The following KPNA6 variants were observed in gnomAD, a reference collection of about 807,000 sequenced individuals.
KPNA6 encodes the protein importin subunit alpha-7.
In KPNA6, 9 loss-of-function variants were observed where a neutral mutation model predicts 72.0. That is an observed-to-expected ratio of 0.13 (90% CI 0.08 to 0.22). KPNA6 has a LOEUF of 0.22. KPNA6 is among the 10% of genes least tolerant of loss of function. The pLI, the probability that KPNA6 is intolerant of heterozygous loss-of-function variation, is 1.00. For synonymous variants in KPNA6, 219 were observed against 242.1 expected (o/e 0.90, Z 0.89); for missense variants, 374 against 655.7 (o/e 0.57, Z 4.69).
rs1570086795 is a variant in KPNA6, at chr1:32,173,052, T to C, written c.*2158T>C. ...CATGTTGTACCACCTTGGTGAGTCA[T>C]ATGCCACTCATCAGCTTGGGAATGA... is the stretch of plus-strand genomic sequence containing the variant. On this transcript the variant is annotated 3_prime_UTR_variant, in exon 14 of 14. Coordinates refer to ENST00000373625, the MANE Select transcript of KPNA6 (RefSeq NM_012316.5). 2 of 397,860 alleles carry C rather than the reference T, an allele frequency of 5.0e-6. No individual in the cohort carries two copies. The highest frequency in any genetic ancestry group is 3.6e-5 in the East Asian group (1 of 28,026). The allele number at this position is 397,860 out of a possible 1,614,324, so 24.6% of individuals were successfully genotyped here. A position where few individuals can be genotyped will look rare whatever the true frequency, so the allele number is the denominator to read the frequency against.
At chr1:32,119,904 C>G (rs1321840726) in intron 1 of KPNA6, among the ~76,000 whole-genome samples, 1 of 151,968 alleles carries the variant, frequency 6.6e-6, no homozygotes, top group African/African-American at 2.4e-5. Context: ...ACCACTGCAC[C>G]TGGCTAATTT....
At chr1:32,119,925 A>G (rs1641402977) in intron 1 of KPNA6, among the ~76,000 whole-genome samples, 1 of 151,654 alleles carries the variant, frequency 6.6e-6, no homozygotes, top group South Asian at 2.1e-4. Flanking sequence ...TTGTAATTTT[A>G]GTAGACTTCA....
chr1:32,115,139 T>C (rs573175171), intron 1 of KPNA6, among the ~76,000 whole-genome samples: 56 of 150,902 alleles, frequency 3.7e-4, no homozygotes, highest in Admixed American at 2.6e-3. Context: ...CACACCCGGC[T>C]TCACTTTTTT....
chr1:32,128,405 A>ATT (rs1190438587), intron 1 of KPNA6, among the ~76,000 whole-genome samples: 2 of 126,032 alleles, frequency 1.6e-5, no homozygotes, highest in East Asian at 4.5e-4. Flanking sequence ...ATATATATAT[A>ATT]TATATATATA....
Position 32,162,023 on chromosome 1 carries a change from A to C in KPNA6, c.724A>C (p.Asn242His). 1 of 1,613,986 alleles carries C rather than the reference A, an allele frequency of 6.2e-7. No individual in the cohort carries two copies. The highest frequency in any genetic ancestry group is 1.1e-5 in the South Asian group (1 of 91,044). The change falls in exon 8 of 14, where the codon AAC becomes CAC. Residue 242 changes from asparagine to histidine, a missense_variant. This residue lies in a region of KPNA6 where 298 missense variants were observed against 495.4 expected (regional missense o/e 0.60). Transcript: ENST00000373625. ...WALSNLCRGK[N>H]PPPEFAKVSP... ...CCTGTCAAATCTCTGCCGAGGGAAA[A>C]ACCCACCCCCAGAGTTTGCAAAGGT...
intron 1 of KPNA6, among the ~76,000 whole-genome samples, chr1:32,110,056 A>ATTTTTTTTTT (rs750004100): frequency 5.1e-5 from 6 of 118,308 alleles, no homozygotes; most frequent in African/African-American, 2.0e-4. Context: ...CTGGAATTGA[A>ATTTTTTTTTT]TTTTTTTTTT....
intron 2 of KPNA6, among the ~76,000 whole-genome samples, chr1:32,155,110 CAAAAAAAAAAAAA>C (rs144040035): frequency 1.8e-5 from 1 of 54,228 alleles, no homozygotes; most frequent in Non-Finnish European, 3.3e-5. Flanking sequence ...AACTCCATCT[CAAAAAAAAAAAAA>C]AAAAAAAAAA....
chr1:32,140,068 T>C (rs1641810744), intron 1 of KPNA6, among the ~76,000 whole-genome samples: 1 of 152,182 alleles, frequency 6.6e-6, no homozygotes. Context: ...TTAATTTCTT[T>C]GGTTTGAAAA....
At chr1:32,109,891 C>T (rs902193386) in intron 1 of KPNA6, among the ~76,000 whole-genome samples, 1 of 151,682 alleles carries the variant, frequency 6.6e-6, no homozygotes, top group Non-Finnish European at 1.5e-5. Context: ...CTCCTGACCT[C>T]GTGATCCTCC....
Position 32,170,792 on chromosome 1 carries a change from T to C in KPNA6, c.1509T>C (p.Gly503=). ...KAFDLIEHYF[G]VEDDDSSLAP... ...TCGACCTCATTGAGCACTACTTTGG[T>C]GTAGAAGACGATGATAGCAGCCTGG... The change falls in exon 14 of 14, where the codon GGT becomes GGC. Residue 503 remains glycine (G), a synonymous_variant. Coordinates refer to ENST00000373625, the MANE Select transcript of KPNA6 (RefSeq NM_012316.5). The C allele has an allele frequency of 6.2e-7, 1 of 1,614,186 alleles. No individual in the cohort carries two copies. Among genetic ancestry groups the C allele is most frequent in the Non-Finnish European group, 8.5e-7 (1 of 1,180,024 alleles).
chr1:32,124,864 A>T lies in KPNA6; in HGVS notation c.4+16730A>T, dbSNP rs1641505465. 2.0e-5 allele frequency among the ~76,000 whole-genome samples: 3 copies of T among 149,518 alleles called. No homozygotes were observed. The South Asian group carries it at 6.4e-4, about 32-fold the overall frequency. Reference sequence around the variant, plus strand: ...TAACTTATTTATTTATTTATTTTTGAGACGGAGTTTCACTCTGTCGCCCAG... The same window carrying T: ...TAACTTATTTATTTATTTATTTTTGTGACGGAGTTTCACTCTGTCGCCCAG... On this transcript the variant is annotated intron_variant, in intron 1 of 13. Coordinates refer to ENST00000373625, the MANE Select transcript of KPNA6 (RefSeq NM_012316.5).
chr1:32,155,905 A>G (rs1642132817), intron 2 of KPNA6, among the ~76,000 whole-genome samples: 1 of 141,668 alleles, frequency 7.1e-6, no homozygotes, highest in African/African-American at 2.6e-5. Flanking sequence ...CGCCCGGCTA[A>G]TTTTTGTGGA....
intron 1 of KPNA6, among the ~76,000 whole-genome samples, chr1:32,132,202 C>G (rs1641651259): frequency 1.3e-5 from 2 of 152,112 alleles, no homozygotes; most frequent in Admixed American, 1.3e-4. Flanking sequence ...AACTCCTGAC[C>G]TCAGGTGATC....
chr1:32,116,702 A>T (rs1641334958), intron 1 of KPNA6, among the ~76,000 whole-genome samples: 1 of 152,166 alleles, frequency 6.6e-6, no homozygotes, highest in African/African-American at 2.4e-5. Context: ...CTGGCGCAAG[A>T]GGCTTAGCTT....
intron 1 of KPNA6, among the ~76,000 whole-genome samples, chr1:32,115,876 C>T (rs538227209): frequency 2.0e-5 from 3 of 151,714 alleles, no homozygotes; most frequent in African/African-American, 7.3e-5. Flanking sequence ...CCCAGGTAGC[C>T]AGGATAACAG....
rs142726380 is a variant in KPNA6 at position 32,133,178 on chromosome 1, T to C, written c.5-21410T>C. Among the ~76,000 whole-genome samples, 851 of 151,660 alleles carry C rather than the reference T, an allele frequency of 5.6e-3. 10 individuals carry two copies. Among genetic ancestry groups the C allele is most frequent in the African/African-American group, 0.02 (822 of 41,364 alleles). On this transcript the variant is annotated intron_variant, in intron 1 of 13. Transcript: ENST00000373625. ...GGAAAACATGTTGAAACCTCATCTCTACAAAAAATACGAAAATTAGCCGGG... is the reference window on the plus strand; with the variant it reads ...GGAAAACATGTTGAAACCTCATCTCCACAAAAAATACGAAAATTAGCCGGG...
chr1:32,145,733 C>G (rs151238793), intron 1 of KPNA6, among the ~76,000 whole-genome samples: 1 of 151,084 alleles, frequency 6.6e-6, no homozygotes, highest in Non-Finnish European at 1.5e-5. Context: ...GTTGGCTGGC[C>G]GTAGATGTAA....
At chr1:32,109,945 A>G (rs953097018) in intron 1 of KPNA6, among the ~76,000 whole-genome samples, 1 of 151,840 alleles carries the variant, frequency 6.6e-6, no homozygotes, top group East Asian at 1.9e-4. Context: ...GTGAGCCACC[A>G]TGCCCGGCCA....
chr1:32,129,081 C>T (rs1052986408), intron 1 of KPNA6, among the ~76,000 whole-genome samples: 4 of 152,076 alleles, frequency 2.6e-5, no homozygotes, highest in Admixed American at 6.6e-5. Flanking sequence ...CCATCCAGCA[C>T]AGCTACCTTC....
Sources: gnomAD v4.1 joint callset for allele counts (sites outside exome capture counted in the v4.1 genomes callset) on GRCh38, gnomAD v4.1.1 for gene constraint, gnomAD v4.1.1 regional missense constraint, MANE v1.5 for transcripts, NCBI Gene and HGNC (gene_info 2026-07-23, HGNC 2026-07-21) for gene names.